IL17B: variants seen among roughly 807,000 people sequenced by gnomAD.
The protein encoded by IL17B is interleukin-17B.
A neutral mutation model predicts 14.7 loss-of-function variants in IL17B; 14 were observed. The ratio of observed to expected loss-of-function variants is 0.95; its 90% CI spans 0.63 to 1.49. The LOEUF (loss-of-function observed/expected upper bound fraction) is 1.49, where lower values mean the gene tolerates loss of function less well. Among genes scored for constraint, IL17B ranks in the 40% most tolerant of loss-of-function variants. The probability of loss-of-function intolerance (pLI) is 0.00; values close to 1 mark genes in which losing one functional copy is unlikely to be tolerated. For missense variants in IL17B, 233 were observed against 252.8 expected (o/e 0.92, Z 0.53); for synonymous variants, 105 against 94.8 (o/e 1.11, Z -0.62).
intron 1 of IL17B, among the ~76,000 whole-genome samples, chr5:149,387,252 T>C (rs1240303721): frequency 6.6e-6 from 1 of 152,172 alleles, no homozygotes; most frequent in African/African-American, 2.4e-5. Flanking sequence ...TCAGTTCTCA[T>C]AAATACTGTG....
intron 1 of IL17B, among the ~76,000 whole-genome samples, chr5:149,384,557 T>C (rs376955551): frequency 4.6e-5 from 7 of 152,228 alleles, no homozygotes; most frequent in South Asian, 2.1e-4. Context: ...ATCCCTGCTA[T>C]GTAGCAGCTA....
chr5:149,380,776 C>T (rs1758674319), upstream of IL17B, among the ~76,000 whole-genome samples: 1 of 152,222 alleles, frequency 6.6e-6, no homozygotes. Context: ...GGGAAGAAGG[C>T]AGGGTGAGAG....
At chr5:149,401,970 T>C (rs1407981777) in intron 1 of IL17B, among the ~76,000 whole-genome samples, 1 of 152,176 alleles carries the variant, frequency 6.6e-6, no homozygotes, top group Admixed American at 6.5e-5. Flanking sequence ...CCCTGCACTG[T>C]TCAGGGTGCA....
intron 1 of IL17B, among the ~76,000 whole-genome samples, chr5:149,396,478 C>G (rs937591957): frequency 2.2e-4 from 34 of 152,236 alleles, no homozygotes; most frequent in Non-Finnish European, 4.7e-4. Flanking sequence ...GAGAATAGCT[C>G]GGCTGGGTGC....
chr5:149,396,754 C>T, intron 1 of IL17B, among the ~76,000 whole-genome samples: 1 of 152,052 alleles, frequency 6.6e-6, no homozygotes, highest in East Asian at 1.9e-4. Context: ...CAGAGTGAAA[C>T]CCTGACTCAA....
At chr5:149,389,274 C>T (rs1190628221) in intron 1 of IL17B, among the ~76,000 whole-genome samples, 2 of 152,216 alleles carry the variant, frequency 1.3e-5, no homozygotes, top group East Asian at 3.8e-4. Flanking sequence ...GTCTTGCTAA[C>T]CCCAAACTAG....
chr5:149,400,851 G>A (rs1423971913), intron 1 of IL17B, among the ~76,000 whole-genome samples: 1 of 152,196 alleles, frequency 6.6e-6, no homozygotes, highest in Non-Finnish European at 1.5e-5. Flanking sequence ...CAGGAGCTCT[G>A]ATGTCTGAAG....
At position 149,374,618 on chromosome 5, in the gene IL17B, A is replaced by G. The variant is rs776545734; in HGVS notation, c.312-18T>C. On this transcript the variant is annotated intron_variant, in intron 2 of 2. Transcript: ENST00000261796. This position sits in a 1 kb window ranked among gnomAD's most constrained non-coding sequence, Gnocchi z 5.0. Reference sequence around the variant, plus strand: ...GGTTGATGCTGCAGGGAGCAGAAGAAAGAGCAGAGCGGAAGGTGATCAGGA... The same window carrying G: ...GGTTGATGCTGCAGGGAGCAGAAGAGAGAGCAGAGCGGAAGGTGATCAGGA... The G allele has an allele frequency of 6.3e-7, 1 of 1,597,516 alleles. No individual in the cohort carries two copies. The highest frequency in any genetic ancestry group is 1.1e-5 in the South Asian group (1 of 90,440).
intron 1 of IL17B, 152 bp from the exon 2 acceptor site, chr5:149,377,177 T>A (rs1758567815): frequency 3.2e-6 from 2 of 627,300 alleles, no homozygotes; most frequent in Non-Finnish European, 5.4e-6. Context: ...CTCCTCAGAT[T>A]ACCCCCTGTT....
chr5:149,379,938 C>G (rs1378292780), upstream of IL17B, among the ~76,000 whole-genome samples: 1 of 152,196 alleles, frequency 6.6e-6, no homozygotes, highest in Non-Finnish European at 1.5e-5. Context: ...GGGAGACTTT[C>G]CGCACAATTT....
At chr5:149,381,721 C>G (rs1370283265), upstream of IL17B, among the ~76,000 whole-genome samples, 1 of 152,192 alleles carries the variant, frequency 6.6e-6, no homozygotes, top group Non-Finnish European at 1.5e-5. Context: ...CATCTCAGAC[C>G]AGGAGGGAGA....
intron 1 of IL17B, among the ~76,000 whole-genome samples, chr5:149,400,323 C>T (rs184118384): frequency 3.2e-4 from 48 of 152,172 alleles, no homozygotes; most frequent in Admixed American, 2.9e-3. Context: ...GCCAGCAAGC[C>T]GCTAGAATCT....
chr5:149,392,948 G>GTGTGTGTGCA (rs1759008094), intron 1 of IL17B, among the ~76,000 whole-genome samples: 1 of 131,702 alleles, frequency 7.6e-6, no homozygotes, highest in Non-Finnish European at 1.7e-5. Context: ...GCGTGTGTGC[G>GTGTGTGTGCA]TGCGTGTGTG....
upstream of IL17B, among the ~76,000 whole-genome samples, chr5:149,380,292 C>G (rs2127618240): frequency 6.6e-6 from 1 of 152,330 alleles, no homozygotes; most frequent in South Asian, 2.1e-4. Context: ...TGTTAAATAG[C>G]TGGCAACAGT....
rs117900866 is a variant in IL17B at position 149,397,740 on chromosome 5, C to T, written n.95+6368G>A. Among the ~76,000 whole-genome samples, 104 of 152,166 alleles carry T rather than the reference C, an allele frequency of 6.8e-4. 1 individual carries two copies. In the East Asian group the frequency reaches 0.016, roughly 23 times the overall value. ...GTGGCTGAGAAGTCTTGCAACAGGC[C>T]GTCTACAAGCTGGAGACCCTGGGAG... On this transcript the variant is annotated intron_variant and non_coding_transcript_variant, in intron 1 of 2. Transcript: ENST00000505432.
upstream of IL17B, among the ~76,000 whole-genome samples, chr5:149,381,897 G>A (rs556008721): frequency 1.5e-3 from 229 of 152,354 alleles, no homozygotes; most frequent in African/African-American, 5.2e-3. Flanking sequence ...CACCCCACGA[G>A]TGAGGCTGGG....
upstream of IL17B, among the ~76,000 whole-genome samples, chr5:149,381,553 C>G (rs1228702550): frequency 2.0e-5 from 3 of 152,264 alleles, no homozygotes; most frequent in Non-Finnish European, 1.5e-5. Flanking sequence ...CAGGCTGGGC[C>G]TCCTTGCTGG....
upstream of IL17B, among the ~76,000 whole-genome samples, chr5:149,383,536 C>G (rs1758753624): frequency 6.6e-6 from 1 of 152,188 alleles, no homozygotes; most frequent in African/African-American, 2.4e-5. Flanking sequence ...GGTCCTGGCT[C>G]TCCTGCCATG....
chr5:149,394,741 T>C (rs1195819457), intron 1 of IL17B, among the ~76,000 whole-genome samples: 1 of 152,234 alleles, frequency 6.6e-6, no homozygotes, highest in African/African-American at 2.4e-5. Flanking sequence ...GTTTTTTTCT[T>C]TCTTTTAGCG....
Sources: gnomAD v4.1 joint callset for allele counts (sites outside exome capture counted in the v4.1 genomes callset) on GRCh38, gnomAD v4.1.1 for gene constraint, Gnocchi (gnomAD v3.1) non-coding constraint, MANE v1.5 for transcripts, NCBI Gene and HGNC (gene_info 2026-07-23, HGNC 2026-07-21) for gene names.